The following NDUFA13 variants were observed in gnomAD, a reference collection of about 807,000 sequenced individuals.
NDUFA13 encodes NADH dehydrogenase [ubiquinone] 1 alpha subcomplex subunit 13.
NDUFA13 carries 16 observed loss-of-function variants against 17.0 expected under a neutral mutation model. The ratio of observed to expected loss-of-function variants is 0.94; its 90% CI spans 0.64 to 1.43. The LOEUF is 1.43. Ranked by LOEUF, NDUFA13 falls within the 40% of genes most tolerant of loss-of-function variation. NDUFA13 has a pLI of 0.00. For synonymous variants in NDUFA13, 87 were observed against 78.4 expected, an observed-to-expected ratio of 1.11 and a Z score of -0.58; for missense variants, 228 against 206.7, an observed-to-expected ratio of 1.10 and a Z score of -0.63.
chr19:19,523,923 T>A (rs2061089364), intron 1 of NDUFA13, among the ~76,000 whole-genome samples: 1 of 151,900 alleles, frequency 6.6e-6, no homozygotes, highest in Non-Finnish European at 1.5e-5. Context: ...GAGCGAGACT[T>A]TGTCTCAAAA....
At position 19,527,718 on chromosome 19, in the gene NDUFA13, G is replaced by C. The variant is rs1011131163; in HGVS notation, c.263G>C (p.Arg88Pro). 6.4e-7 allele frequency: 1 copy of C among 1,552,396 alleles called. No individual in the cohort carries two copies. Residue 88 changes from arginine (R) to proline (P), a missense_variant, in exon 4 of 5, where the codon CGG becomes CCG. Transcript: ENST00000507754. ...ETDRRTLQMLRENLEEEAIIM... is the reference protein window; with the variant it reads ...ETDRRTLQMLPENLEEEAIIM... ...CCCCACAGGACCTTGCAGATGCTTC[G>C]GGAGAACCTGGAGGAGGAGGCCATC...
chr19:19,527,448 T>C (rs1310260109), intron 3 of NDUFA13, 96 bp downstream of exon 3: 4 of 1,429,368 alleles, frequency 2.8e-6, no homozygotes, highest in Non-Finnish European at 3.9e-6. Flanking sequence ...AGAATGCACG[T>C]GGGGGCCATC....
intron 1 of NDUFA13, among the ~76,000 whole-genome samples, chr19:19,519,531 C>G (rs1319333170): frequency 6.6e-6 from 1 of 152,178 alleles, no homozygotes; most frequent in East Asian, 1.9e-4. Flanking sequence ...GAGGATACCC[C>G]TATGCTGGTG....
chr19:19,525,939 G>A, intron 1 of NDUFA13: 1 of 1,182,552 alleles, frequency 8.5e-7, no homozygotes. Flanking sequence ...CAGCCTTCTA[G>A]AACACGATGG....
intron 1 of NDUFA13, among the ~76,000 whole-genome samples, chr19:19,518,218 T>C (rs1270095048): frequency 6.6e-6 from 1 of 152,136 alleles, no homozygotes; most frequent in African/African-American, 2.4e-5. Flanking sequence ...TCCTCATTTT[T>C]CTTTTTTCTT....
intron 2 of NDUFA13, 116 bp from the exon 3 acceptor site, chr19:19,527,165 T>TCCCCCCCCC (rs2144646469): frequency 6.6e-5 from 31 of 470,722 alleles, no homozygotes; most frequent in Admixed American, 3.2e-4. Context: ...CCTGCCTGCC[T>TCCCCCCCCC]CCCCGCCCCC....
rs200748248 is a variant in NDUFA13 at position 19,525,057 on chromosome 19, G to GA, written c.95-1116dup. On this transcript the variant is annotated intron_variant, in intron 1 of 4. Transcript: ENST00000507754. ...GTCTCAAAACCAAAAACCAAAAAAG[G>GA]AAAAAAAAATGAACAAGGCAGCTGA... Among the ~76,000 whole-genome samples, 647 of 150,296 alleles carry GA rather than the reference G, an allele frequency of 4.3e-3. 6 individuals carry two copies. The highest frequency in any genetic ancestry group is 0.025 in the East Asian group (127 of 5,116).
At chr19:19,523,635 A>G (rs1205943053) in intron 1 of NDUFA13, among the ~76,000 whole-genome samples, 1 of 152,028 alleles carries the variant, frequency 6.6e-6, no homozygotes, top group Non-Finnish European at 1.5e-5. Context: ...ATTTAAAAAT[A>G]TGTATTTTGG....
chr19:19,516,423 C>G (rs910317005), intron 1 of NDUFA13, 91 bp downstream of exon 1: 29 of 1,407,486 alleles, frequency 2.1e-5, no homozygotes, highest in Non-Finnish European at 1.6e-5. Context: ...TCAGTTTTCC[C>G]GGCGGTGTGA....
chr19:19,516,669 A>T (rs1275782696), intron 1 of NDUFA13, among the ~76,000 whole-genome samples: 1 of 152,252 alleles, frequency 6.6e-6, no homozygotes, highest in Non-Finnish European at 1.5e-5. Context: ...CGGCTCCCCA[A>T]GGCAAAGCTG....
chr19:19,523,848 T>C (rs2061089100), intron 1 of NDUFA13, among the ~76,000 whole-genome samples: 4 of 152,214 alleles, frequency 2.6e-5, no homozygotes, highest in Admixed American at 2.6e-4. Context: ...GAAAATCACT[T>C]GAACCTGGGA....
chr19:19,516,445 G>A (rs2061049243), intron 1 of NDUFA13, 113 bp downstream of exon 1: 1 of 1,140,886 alleles, frequency 8.8e-7, no homozygotes, highest in African/African-American at 1.5e-5. Flanking sequence ...CGGAGGCGGA[G>A]CCCGGGGATC....
intron 1 of NDUFA13, among the ~76,000 whole-genome samples, chr19:19,523,544 G>A (rs563558700): frequency 6.6e-6 from 1 of 151,932 alleles, no homozygotes; most frequent in Non-Finnish European, 1.5e-5. Flanking sequence ...CTGCAACCTT[G>A]ACTTCTTGGG....
In NDUFA13 at chr19:19,516,235, G is replaced by A. The variant is rs764600603; in HGVS notation, c.-4G>A. 4.3e-6 allele frequency: 7 copies of A among 1,614,020 alleles called. No individual in the cohort carries two copies. The highest frequency in any genetic ancestry group is 3.3e-5 in the South Asian group (3 of 91,088). On this transcript the variant is annotated 5_prime_UTR_variant, in exon 1 of 5. Coordinates refer to ENST00000507754, the MANE Select transcript of NDUFA13 (RefSeq NM_015965.7). ...CGGGACCGGAAGTGTGGGATACTGCGAGTATGGCGGCGTCAAAGGTGAAGC... is the reference window on the plus strand; with the variant it reads ...CGGGACCGGAAGTGTGGGATACTGCAAGTATGGCGGCGTCAAAGGTGAAGC...
intron 1 of NDUFA13, among the ~76,000 whole-genome samples, chr19:19,522,886 T>G (rs1018799956): frequency 2.0e-5 from 3 of 152,064 alleles, no homozygotes; most frequent in South Asian, 2.1e-4. Context: ...AAAGACTGTT[T>G]TCTCTCCCAT....
intron 1 of NDUFA13, among the ~76,000 whole-genome samples, chr19:19,520,562 G>A (rs984736782): frequency 6.6e-6 from 1 of 152,148 alleles, no homozygotes; most frequent in East Asian, 1.9e-4. Flanking sequence ...CCTGGAAGGC[G>A]GAGGTTGCAG....
chr19:19,518,876 A>G (rs1000240763), intron 1 of NDUFA13, among the ~76,000 whole-genome samples: 4 of 150,146 alleles, frequency 2.7e-5, no homozygotes, highest in Admixed American at 1.3e-4. Flanking sequence ...CCGAATAGCT[A>G]GGATTACAGG....
At chr19:19,520,080 A>G (rs774150725) in intron 1 of NDUFA13, among the ~76,000 whole-genome samples, 37 of 145,342 alleles carry the variant, frequency 2.5e-4, no homozygotes, top group Non-Finnish European at 5.0e-4. Context: ...TCCTGACCTC[A>G]TGATCCACCT....
intron 3 of NDUFA13, 154 bp from the exon 4 acceptor site, chr19:19,527,547 G>A: frequency 1.1e-6 from 1 of 919,618 alleles, no homozygotes; most frequent in South Asian, 1.4e-5. Flanking sequence ...GGAGGAGGCA[G>A]CACTGGGGTT....
Sources: allele counts gnomAD v4.1 joint callset (sites outside exome capture counted in the v4.1 genomes callset), GRCh38; gene constraint gnomAD v4.1.1; transcripts MANE v1.5; gene names NCBI Gene and HGNC (gene_info 2026-07-23, HGNC 2026-07-21).